Variants in MS4A4E observed in about 807,000 individuals in gnomAD.
MS4A4E encodes membrane spanning 4-domains A4E, also known as putative membrane-spanning 4-domains subfamily A member 4E.
MS4A4E carries 23 observed loss-of-function variants against 13.3 expected under a neutral mutation model. The ratio of observed to expected loss-of-function variants is 1.73; its 90% confidence interval spans 1.25 to 2.45. The LOEUF is 2.45. MS4A4E is among the 30% of genes most tolerant of loss of function. The pLI is 0.00. For synonymous variants in MS4A4E, 36 were observed against 45.6 expected (o/e 0.79, Z 0.85); for missense variants, 144 against 131.2 (o/e 1.10, Z -0.48).
At chr11:60,232,321 A>ACACACACACAC (rs556719466) in intron 1 of MS4A4E, among the ~76,000 whole-genome samples, 2 of 147,322 alleles carry the variant, frequency 1.4e-5, no homozygotes, top group Admixed American at 6.8e-5. Flanking sequence ...ACACACACAC[A>ACACACACACAC]CCAAAAATGA....
Position 60,229,953 on chromosome 11 carries a change from A to G in MS4A4E, c.103T>C (p.Leu35=), listed in dbSNP as rs983882278. 6 of 1,612,924 alleles carry G rather than the reference A, an allele frequency of 3.7e-6. No homozygotes were observed. The African/African-American group carries it at 5.3e-5, about 14-fold the overall frequency. The change falls in exon 2 of 9, where the codon TTG becomes CTG. Residue 35 remains leucine (L), a synonymous_variant. Coordinates refer to ENST00000651255, the MANE Select transcript of MS4A4E (RefSeq NM_001393391.1). The part of the protein sequence containing the change: ...DVIHSYLCKG[L]QEKFFKRKPK... ...TTCCTCTTGAAGAACTTCTCTTGCA[A>G]TCCTTTACACAGATATGAATGTATG...
intron 3 of MS4A4E, among the ~76,000 whole-genome samples, chr11:60,220,483 T>C (rs672218): frequency 0.91 from 138,395 of 152,212 alleles, 63,083 homozygotes; most frequent in Non-Finnish European, 0.94. Context: ...TATCAACTCT[T>C]CTCTGGCTTT....
In MS4A4E at chr11:60,229,967, T is replaced by G. The variant is rs184351939; in HGVS notation, c.89A>C (p.Tyr30Ser). Residue 30 changes from tyrosine to serine, a missense_variant, in exon 2 of 9, where the codon TAT becomes TCT. Tyr to Ser is a moderately radical substitution (Grantham distance 144, BLOSUM62 -2). Transcript: ENST00000651255. ...QLGNIDVIHS[Y>S]LCKGLQEKFF... ...CTTCTCTTGCAATCCTTTACACAGA[T>G]ATGAATGTATGACATCTATGTTTCC... 5.5e-5 allele frequency: 88 copies of G among 1,613,574 alleles called. No individual in the cohort carries two copies. The highest frequency in any genetic ancestry group is 7.3e-5 in the Non-Finnish European group (86 of 1,179,802).
At chr11:60,210,196 A>G (rs1156701960) in intron 5 of MS4A4E, among the ~76,000 whole-genome samples, 1 of 152,244 alleles carries the variant, frequency 6.6e-6, no homozygotes, top group Non-Finnish European at 1.5e-5. Flanking sequence ...ATAAAACTTT[A>G]TTTACAAAAA....
At chr11:60,226,597 T>C (rs2084347866) in intron 3 of MS4A4E, among the ~76,000 whole-genome samples, 1 of 152,180 alleles carries the variant, frequency 6.6e-6, no homozygotes, top group Non-Finnish European at 1.5e-5. Context: ...GCCTGTTTAT[T>C]ATAAAAACTT....
In MS4A4E at chr11:60,229,913, C is replaced by T. The variant is rs1377478597; in HGVS notation, c.143G>A (p.Gly48Glu). Reference sequence around the variant, plus strand: ...CTCCCAGATTTGCAATTGACTTACCCCAAGGACTTTGGGTTTCCTCTTGAA... The same window carrying T: ...CTCCCAGATTTGCAATTGACTTACCTCAAGGACTTTGGGTTTCCTCTTGAA... ...KFFKRKPKVL[G>E]VLCGHKFSTH... The change falls in exon 2 of 9, where the codon GGG (glycine) becomes GAG (glutamate). Residue 48 changes from glycine (G) to glutamate (E), a missense_variant and splice_region_variant. Gly to Glu is a moderately conservative substitution (Grantham distance 98). Around this residue, in one of 3 missense-constraint regions of MS4A4E, gnomAD observed 119 missense variants for 88.7 expected, o/e 1.34. Coordinates refer to ENST00000651255, the MANE Select transcript of MS4A4E (RefSeq NM_001393391.1). 10 of 1,600,254 alleles carry T rather than the reference C, an allele frequency of 6.2e-6. No individual in the cohort carries two copies. Among genetic ancestry groups the T allele is most frequent in the African/African-American group, 5.4e-5 (4 of 74,674 alleles).
At position 60,229,977 on chromosome 11, in the gene MS4A4E, T is replaced by A; in HGVS notation, c.79A>T (p.Ile27Leu). The A allele has an allele frequency of 6.2e-7, 1 of 1,613,838 alleles. No homozygotes were observed. The part of the protein sequence containing the change: ...DVPQLGNIDV[I>L]HSYLCKGLQE... ...AATCCTTTACACAGATATGAATGTA[T>A]GACATCTATGTTTCCCAGCTGGGGC... The change falls in exon 2 of 9, where the codon ATA (isoleucine) becomes TTA (leucine). Residue 27 changes from isoleucine to leucine, a missense_variant. By Grantham distance (5) the Ile-to-Leu change is conservative (BLOSUM62 2). Around this residue, in one of 3 missense-constraint regions of MS4A4E, gnomAD observed 119 missense variants for 88.7 expected, o/e 1.34. Transcript: ENST00000651255.
intron 1 of MS4A4E, among the ~76,000 whole-genome samples, chr11:60,233,870 A>C (rs1380241599): frequency 1.3e-5 from 2 of 152,190 alleles, no homozygotes; most frequent in Non-Finnish European, 2.9e-5. Context: ...ACTAGCATGC[A>C]ACTCCAACCT....
At chr11:60,205,047 T>C (rs949048911) in intron 7 of MS4A4E, among the ~76,000 whole-genome samples, 89 bp from the exon 8 acceptor site, 1 of 152,208 alleles carries the variant, frequency 6.6e-6, no homozygotes, top group African/African-American at 2.4e-5. Context: ...ATACAATAGA[T>C]ACGTGAGTGT....
intron 3 of MS4A4E, chr11:60,225,120 T>C (rs1590720432): frequency 6.7e-7 from 1 of 1,488,276 alleles, no homozygotes; most frequent in East Asian, 2.4e-5. Context: ...CAAAAACTGA[T>C]TATCCACCAC....
In MS4A4E at chr11:60,214,612, A is replaced by C. The variant is rs2084167078; in HGVS notation, c.181T>G (p.Ser61Ala). Residue 61 changes from serine (S) to alanine (A), a missense_variant and splice_region_variant, in exon 4 of 9, where the codon TCC becomes GCC. Coordinates refer to ENST00000651255, the MANE Select transcript of MS4A4E (RefSeq NM_001393391.1). ...CTAATTCCTGCTGCAACTGATAAGG[A>C]TACTGAAATAATAAAATAAGAATGA... ...CGHKFSTHSVSLSVAAGIRTT... is the reference protein window; with the variant it reads ...CGHKFSTHSVALSVAAGIRTT... 6.6e-7 allele frequency: 1 copy of C among 1,524,510 alleles called. No homozygotes were observed. The highest frequency in any genetic ancestry group is 1.4e-5 in the African/African-American group (1 of 72,432). The allele number at this position is 1,524,510 out of a possible 1,614,324, so 94.4% of individuals were successfully genotyped here.
intron 8 of MS4A4E, among the ~76,000 whole-genome samples, chr11:60,203,180 T>C (rs2084005856): frequency 6.6e-6 from 1 of 152,228 alleles, no homozygotes; most frequent in African/African-American, 2.4e-5. Flanking sequence ...ATCTTTAGCT[T>C]ATTTTATTAT....
intron 5 of MS4A4E, among the ~76,000 whole-genome samples, 143 bp downstream of exon 5, chr11:60,212,831 G>A (rs186670933): frequency 2.0e-4 from 31 of 152,294 alleles, no homozygotes; most frequent in Non-Finnish European, 3.7e-4. Flanking sequence ...ACTCCTAAAT[G>A]AAAGATTATT....
In MS4A4E at chr11:60,201,120, C is replaced by G. The variant is rs1203182939; in HGVS notation, c.*423G>C. ...GGCGGCTGGCCGGGCGGGGTCTGACCCCCCCACCTCCCTCCCGGACGGAGC... is the reference window on the plus strand; with the variant it reads ...GGCGGCTGGCCGGGCGGGGTCTGACGCCCCCACCTCCCTCCCGGACGGAGC... On this transcript the variant is annotated 3_prime_UTR_variant, in exon 9 of 9. Transcript: ENST00000651255. 1 of 147,948 alleles carries G rather than the reference C, an allele frequency of 6.8e-6. No homozygotes were observed. Among genetic ancestry groups the G allele is most frequent in the East Asian group, 2.1e-4 (1 of 4,820 alleles). The allele number at this position is 147,948 out of a possible 1,614,324, so 9.2% of individuals were successfully genotyped here.
rs1305250095 is a variant in MS4A4E at position 60,229,947 on chromosome 11, C to CT, written c.108dup (p.Glu37ArgfsTer18). Reference sequence around the variant, plus strand: ...TTGGGTTTCCTCTTGAAGAACTTCTCTTGCAATCCTTTACACAGATATGAA... The same window carrying CT: ...TTGGGTTTCCTCTTGAAGAACTTCTCTTTGCAATCCTTTACACAGATATGAA... On this transcript the variant is annotated frameshift_variant, in exon 2 of 9. Transcript: ENST00000651255. LOFTEE classifies it high-confidence loss of function. The CT allele has an allele frequency of 6.2e-7, 1 of 1,612,422 alleles. No individual in the cohort carries two copies. Among genetic ancestry groups the CT allele is most frequent in the South Asian group, 1.1e-5 (1 of 90,828 alleles).
At chr11:60,207,495 C>T (rs1316103107) in intron 6 of MS4A4E, among the ~76,000 whole-genome samples, 1 of 152,118 alleles carries the variant, frequency 6.6e-6, no homozygotes, top group African/African-American at 2.4e-5. Flanking sequence ...TAGTCAATCT[C>T]TCTTCTATGA....
At chr11:60,223,161 AG>A (rs1194018449) in intron 3 of MS4A4E, among the ~76,000 whole-genome samples, 1 of 152,234 alleles carries the variant, frequency 6.6e-6, no homozygotes, top group African/African-American at 2.4e-5. Context: ...GATCAGTTGC[AG>A]AAATGAAGAC....
Position 60,208,693 on chromosome 11 carries a change from C to G in MS4A4E, c.383G>C (p.Gly128Ala). 2 of 1,277,910 alleles carry G rather than the reference C, an allele frequency of 1.6e-6. No individual in the cohort carries two copies. The highest frequency in any genetic ancestry group is 2.2e-6 in the Non-Finnish European group (2 of 909,456). The allele number at this position is 1,277,910 out of a possible 1,614,324, so 79.2% of individuals were successfully genotyped here. Reference protein sequence around the residue: ...NCYMTMSILMGTDGMVLLLSV... With the variant: ...NCYMTMSILMATDGMVLLLSV... ...TAAGAGGAGCACCATGCCATCCGTA[C>G]CCTAGGAGAAAACTCATAACAAGGG... Residue 128 changes from glycine (G) to alanine (A), a missense_variant and splice_region_variant, in exon 6 of 9, where the codon GGT (glycine) becomes GCT (alanine). Physicochemically the swap from Gly to Ala is moderately conservative, Grantham distance 60. Coordinates refer to ENST00000651255, the MANE Select transcript of MS4A4E (RefSeq NM_001393391.1).
chr11:60,223,596 A>G (rs2084301093), intron 3 of MS4A4E, among the ~76,000 whole-genome samples: 1 of 152,202 alleles, frequency 6.6e-6, no homozygotes, highest in Non-Finnish European at 1.5e-5. Flanking sequence ...GGAGATTAAC[A>G]TTTGAGTCAG....
Sources: gnomAD v4.1 joint callset for allele counts (sites outside exome capture counted in the v4.1 genomes callset) on GRCh38, gnomAD v4.1.1 for gene constraint, gnomAD v4.1.1 regional missense constraint, MANE v1.5 for transcripts, NCBI Gene and HGNC (gene_info 2026-07-23, HGNC 2026-07-21) for gene names.